The following NEBL variants were observed in gnomAD, a reference collection of about 807,000 sequenced individuals.
NEBL encodes LIM and SH3 protein 2.
Under a neutral mutation model 140.2 loss-of-function variants are expected in NEBL, and 122 were observed. The observed-to-expected ratio is 0.87, with a 90% CI of 0.75 to 1.01. The LOEUF is 1.01. NEBL is among the 50% of genes least tolerant of loss of function. NEBL has a pLI of 0.00. For synonymous variants in NEBL, 436 were observed against 398.9 expected, an observed-to-expected ratio of 1.09 and a Z score of -1.11; for missense variants, 1,365 against 1,231.3, an observed-to-expected ratio of 1.11 and a Z score of -1.62.
chr10:21,062,707 G>A (rs988749335), intron 2 of NEBL, among the ~76,000 whole-genome samples: 6 of 151,478 alleles, frequency 4.0e-5, no homozygotes, highest in Admixed American at 3.9e-4. Flanking sequence ...AGGAAAGAAA[G>A]AAACTCCATT....
At chr10:21,253,543 T>A (rs1842615196) in intron 1 of NEBL, among the ~76,000 whole-genome samples, 1 of 135,754 alleles carries the variant, frequency 7.4e-6, no homozygotes. Flanking sequence ...TAAACCTCTT[T>A]TTTTTTTTTT....
At chr10:21,266,049 A>G (rs1842793369) in intron 1 of NEBL, among the ~76,000 whole-genome samples, 1 of 152,214 alleles carries the variant, frequency 6.6e-6, no homozygotes, top group Non-Finnish European at 1.5e-5. Flanking sequence ...CTGCCCCTGC[A>G]GACCAGTGGA....
intron 4 of NEBL, among the ~76,000 whole-genome samples, chr10:20,941,100 T>C: frequency 6.6e-6 from 1 of 152,148 alleles, no homozygotes. Flanking sequence ...GCCAGCATCA[T>C]CCTGATACCA....
chr10:21,034,511 T>A (rs944383060), intron 2 of NEBL, among the ~76,000 whole-genome samples: 12 of 152,208 alleles, frequency 7.9e-5, no homozygotes, highest in Non-Finnish European at 1.8e-4. Flanking sequence ...AGGATAAGCC[T>A]CCTTGCAATA....
chr10:20,972,680 G>A (rs971029737), intron 3 of NEBL, among the ~76,000 whole-genome samples: 4 of 152,112 alleles, frequency 2.6e-5, no homozygotes, highest in African/African-American at 9.7e-5. Flanking sequence ...CCGGGAGGCA[G>A]AGGCTGCAGT....
Position 20,826,439 on chromosome 10 carries a change from G to C in NEBL, c.1869+8C>G, listed in dbSNP as rs188529864. On this transcript the variant is annotated splice_region_variant and intron_variant, in intron 18 of 27. Coordinates refer to ENST00000377122, the MANE Select transcript of NEBL (RefSeq NM_006393.3). ...TAGAAAAGATAATTAATGCTGTAGA[G>C]AACTTACTGAACTAATATTCTGCTG... The C allele has an allele frequency of 3.3e-4, 524 of 1,595,692 alleles. 14 individuals carry two copies. The Admixed American group carries it at 8.5e-3, about 26-fold the overall frequency.
At chr10:21,150,274 G>T (rs1840087299) in intron 2 of NEBL, among the ~76,000 whole-genome samples, 1 of 152,150 alleles carries the variant, frequency 6.6e-6, no homozygotes, top group African/African-American at 2.4e-5. Flanking sequence ...ATATCGAACG[G>T]TTGGAAGCTT....
chr10:20,880,079 T>C (rs563362883), intron 5 of NEBL, among the ~76,000 whole-genome samples: 4 of 152,236 alleles, frequency 2.6e-5, no homozygotes, highest in Non-Finnish European at 4.4e-5. Flanking sequence ...AAAGAAACAA[T>C]AGGCCAGGCA....
chr10:20,855,713 G>C (rs1028360805), intron 9 of NEBL, among the ~76,000 whole-genome samples: 1 of 151,988 alleles, frequency 6.6e-6, no homozygotes, highest in Non-Finnish European at 1.5e-5. Flanking sequence ...CCATTTTCCA[G>C]GGGAAAATGT....
rs74807419 is a variant in NEBL at position 21,051,164 on chromosome 10, C to G, written c.165-30963G>C. ...CACATACACCTCAACCTCAACCTGA[C>G]TATGACCACATCATACCCCTTACAC... On this transcript the variant is annotated intron_variant, in intron 2 of 6. Coordinates refer to the NEBL transcript ENST00000417816. 7.9e-3 allele frequency among the ~76,000 whole-genome samples: 1,206 copies of G among 152,316 alleles called. 9 individuals carry two copies. The highest frequency in any genetic ancestry group is 0.024 in the Middle Eastern group (7 of 294).
chr10:20,944,894 G>A (rs1354676718), intron 4 of NEBL, among the ~76,000 whole-genome samples: 1 of 152,062 alleles, frequency 6.6e-6, no homozygotes, highest in African/African-American at 2.4e-5. Flanking sequence ...TCAACAGTCA[G>A]ACATAAGAGG....
At chr10:21,167,345 T>C (rs1289236013) in intron 2 of NEBL, among the ~76,000 whole-genome samples, 1 of 152,242 alleles carries the variant, frequency 6.6e-6, no homozygotes, top group Non-Finnish European at 1.5e-5. Context: ...TAATTAAAGA[T>C]ACATTTGACT....
chr10:21,186,291 C>CACACACACACACACACACAT (rs1841470547), intron 3 of NEBL, among the ~76,000 whole-genome samples: 1 of 151,684 alleles, frequency 6.6e-6, no homozygotes, highest in Admixed American at 6.6e-5. Context: ...CACACACACA[C>CACACACACACACACACACAT]ACACACACAT....
At chr10:21,010,958 C>T (rs767607086) in intron 3 of NEBL, among the ~76,000 whole-genome samples, 8 of 152,218 alleles carry the variant, frequency 5.3e-5, no homozygotes, top group Non-Finnish European at 8.8e-5. Flanking sequence ...TATCTGAGAC[C>T]AGTCCAGGGA....
intron 4 of NEBL, among the ~76,000 whole-genome samples, chr10:20,909,509 C>T (rs1848241288): frequency 6.6e-6 from 1 of 152,058 alleles, no homozygotes. Context: ...TTTTCTTGTA[C>T]CCAAATAGAG....
chr10:21,161,370 A>T (rs1373419244), intron 2 of NEBL, among the ~76,000 whole-genome samples: 1 of 151,868 alleles, frequency 6.6e-6, no homozygotes, highest in East Asian at 1.9e-4. Context: ...TTGGCTGGGG[A>T]TGCCTAGAAT....
chr10:21,289,932 G>A (rs1843121009), intron 1 of NEBL, among the ~76,000 whole-genome samples: 1 of 152,094 alleles, frequency 6.6e-6, no homozygotes, highest in Non-Finnish European at 1.5e-5. Context: ...GAAACTACAA[G>A]GCCCAAAAAG....
intron 3 of NEBL, among the ~76,000 whole-genome samples, chr10:20,998,878 T>C (rs1477855398): frequency 6.6e-6 from 1 of 152,104 alleles, no homozygotes; most frequent in African/African-American, 2.4e-5. Context: ...ATACGGATCA[T>C]GAGGACTGTG....
intron 4 of NEBL, among the ~76,000 whole-genome samples, chr10:20,911,836 C>T (rs1002585921): frequency 2.6e-5 from 4 of 152,194 alleles, no homozygotes; most frequent in African/African-American, 9.6e-5. Flanking sequence ...TTTATCTCCA[C>T]AATGATCTCA....
Sources: gnomAD v4.1 joint callset for allele counts (sites outside exome capture counted in the v4.1 genomes callset) on GRCh38, gnomAD v4.1.1 for gene constraint, MANE v1.5 for transcripts, NCBI Gene and HGNC (gene_info 2026-07-23, HGNC 2026-07-21) for gene names.